RBFOX1: variants seen among roughly 807,000 people sequenced by gnomAD.
RBFOX1 encodes the protein RNA binding protein fox-1 homolog 1.
A neutral mutation model predicts 57.7 loss-of-function variants in RBFOX1; 8 were observed. The observed-to-expected ratio is 0.14, with a 90% CI of 0.08 to 0.25. RBFOX1 has a LOEUF of 0.25. Among genes scored for constraint, RBFOX1 ranks in the 10% least tolerant of loss-of-function variants. The pLI is 1.00. For missense variants in RBFOX1, 611 were observed against 548.5 expected, an observed-to-expected ratio of 1.11 and a Z score of -1.14; for synonymous variants, 326 against 222.4, an observed-to-expected ratio of 1.47 and a Z score of -4.15.
intron 2 of RBFOX1, among the ~76,000 whole-genome samples, chr16:6,544,774 T>A (rs190817636): frequency 2.6e-5 from 4 of 152,174 alleles, no homozygotes; most frequent in Admixed American, 2.6e-4. Context: ...CTCAAAGATA[T>A]TGTGAAAATT....
At chr16:7,484,570 C>T (rs370984459) in intron 4 of RBFOX1, among the ~76,000 whole-genome samples, 2 of 152,286 alleles carry the variant, frequency 1.3e-5, no homozygotes, top group African/African-American at 4.8e-5. Context: ...TCAAGCAATT[C>T]TCCTACCTCA....
chr16:7,389,873 C>G (rs906403652), intron 4 of RBFOX1, among the ~76,000 whole-genome samples: 3 of 151,998 alleles, frequency 2.0e-5, no homozygotes, highest in African/African-American at 7.2e-5. Flanking sequence ...TGCTGTTTTC[C>G]AAATAAGAAG....
At chr16:5,849,228 T>C (rs2056830675) in intron 3 of RBFOX1, among the ~76,000 whole-genome samples, 1 of 152,160 alleles carries the variant, frequency 6.6e-6, no homozygotes, top group Admixed American at 6.5e-5. Flanking sequence ...TTTATTTTCC[T>C]GCATGGAAGG....
At chr16:7,433,284 C>G (rs968483704) in intron 4 of RBFOX1, among the ~76,000 whole-genome samples, 2 of 152,188 alleles carry the variant, frequency 1.3e-5, no homozygotes, top group Non-Finnish European at 2.9e-5. Context: ...GGGTCCAGTT[C>G]TAATTCAAAC....
At chr16:6,088,988 C>T (rs1221032217) in intron 1 of RBFOX1, among the ~76,000 whole-genome samples, 2 of 150,938 alleles carry the variant, frequency 1.3e-5, no homozygotes, top group Non-Finnish European at 2.9e-5. Context: ...CCCAGCTACT[C>T]GAGAGGCCGA....
At chr16:5,751,770 C>T (rs1296969222) in intron 3 of RBFOX1, among the ~76,000 whole-genome samples, 1 of 152,212 alleles carries the variant, frequency 6.6e-6, no homozygotes, top group African/African-American at 2.4e-5. Context: ...TTAGTGTTTA[C>T]TCCAAACCTC....
intron 3 of RBFOX1, among the ~76,000 whole-genome samples, chr16:6,886,766 AACAAAAC>A (rs1253326538): frequency 6.8e-6 from 1 of 146,218 alleles, no homozygotes; most frequent in Non-Finnish European, 1.5e-5. Flanking sequence ...AAAAAACAAA[AACAAAAC>A]AAAACAAAAC....
intron 4 of RBFOX1, among the ~76,000 whole-genome samples, chr16:7,305,386 G>C (rs2096155133): frequency 6.6e-6 from 1 of 152,140 alleles, no homozygotes; most frequent in Non-Finnish European, 1.5e-5. Flanking sequence ...CCAGCTCTCT[G>C]TCATTGGGCA....
chr16:7,398,325 T>A (rs1026620371), intron 4 of RBFOX1, among the ~76,000 whole-genome samples: 4 of 152,210 alleles, frequency 2.6e-5, no homozygotes, highest in African/African-American at 9.6e-5. Context: ...GACCTCACTT[T>A]CTTCATCTGT....
chr16:7,164,479 C>T (rs975137328), intron 4 of RBFOX1, among the ~76,000 whole-genome samples: 7 of 152,086 alleles, frequency 4.6e-5, no homozygotes, highest in Non-Finnish European at 8.8e-5. Context: ...GGGTGAATAG[C>T]CAGTAGTGGG....
At chr16:6,323,534 G>T (rs1330902270) in intron 2 of RBFOX1, among the ~76,000 whole-genome samples, 2 of 152,112 alleles carry the variant, frequency 1.3e-5, no homozygotes, top group African/African-American at 4.8e-5. Context: ...TGTGAATGTT[G>T]ATCACACTCT....
intron 3 of RBFOX1, among the ~76,000 whole-genome samples, chr16:5,811,308 A>T (rs2055422809): frequency 6.6e-6 from 1 of 151,434 alleles, no homozygotes; most frequent in South Asian, 2.1e-4. Flanking sequence ...TAATTTTTAT[A>T]CTTTTAGTAG....
intron 5 of RBFOX1, among the ~76,000 whole-genome samples, chr16:7,553,156 C>A (rs914395334): frequency 6.6e-6 from 1 of 151,754 alleles, no homozygotes; most frequent in African/African-American, 2.4e-5. Context: ...ATTTCTTTCT[C>A]TTTTTAGAGA....
chr16:5,378,427 GAAC>G (rs1380551611), intron 1 of RBFOX1, among the ~76,000 whole-genome samples: 1 of 151,444 alleles, frequency 6.6e-6, no homozygotes, highest in African/African-American at 2.5e-5. Context: ...GCCTCCCTTC[GAAC>G]ACTCCAGGAA....
intron 3 of RBFOX1, among the ~76,000 whole-genome samples, chr16:6,791,651 C>A (rs559475467): frequency 1.2e-4 from 19 of 152,152 alleles, no homozygotes; most frequent in Admixed American, 5.2e-4. Context: ...CCCAGCTACT[C>A]GGGAGGCTGA....
chr16:6,490,623 C>T (rs919760004), intron 2 of RBFOX1, among the ~76,000 whole-genome samples: 2 of 152,162 alleles, frequency 1.3e-5, no homozygotes, highest in Non-Finnish European at 2.9e-5. Flanking sequence ...TGCATTTTAC[C>T]TGAGGCAGGA....
intron 3 of RBFOX1, among the ~76,000 whole-genome samples, chr16:5,705,979 C>G (rs771208727): frequency 1.3e-5 from 2 of 152,116 alleles, no homozygotes; most frequent in Non-Finnish European, 2.9e-5. Context: ...GGTGTGCTCT[C>G]CATTCACTGC....
intron 12 of RBFOX1, among the ~76,000 whole-genome samples, chr16:7,657,689 C>A (rs566051089): frequency 1.3e-5 from 2 of 152,214 alleles, no homozygotes; most frequent in Non-Finnish European, 2.9e-5. Flanking sequence ...TGAAGAACAT[C>A]GGTTATGAAG....
At chr16:6,468,942 C>A (rs1193963755) in intron 2 of RBFOX1, among the ~76,000 whole-genome samples, 2 of 152,102 alleles carry the variant, frequency 1.3e-5, no homozygotes, top group African/African-American at 4.8e-5. Context: ...CTCCCTCCTT[C>A]CACCCTCCAC....
Sources: gnomAD v4.1 joint callset for allele counts (sites outside exome capture counted in the v4.1 genomes callset) on GRCh38, gnomAD v4.1.1 for gene constraint, MANE v1.5 for transcripts, NCBI Gene and HGNC (gene_info 2026-07-23, HGNC 2026-07-21) for gene names.